CDS2: variants seen among roughly 807,000 people sequenced by gnomAD.
CDS2 encodes the protein phosphatidate cytidylyltransferase 2.
A neutral mutation model predicts 59.0 loss-of-function variants in CDS2; 47 were observed. The ratio of observed to expected loss-of-function variants is 0.80; its 90% CI spans 0.63 to 1.02. The LOEUF is 1.02. Ranked by LOEUF, CDS2 falls within the 50% of genes least tolerant of loss-of-function variation. CDS2 has a pLI of 0.00. For synonymous variants in CDS2, 207 were observed against 206.4 expected, an observed-to-expected ratio of 1.00 and a Z score of -0.02; for missense variants, 356 against 558.9, an observed-to-expected ratio of 0.64 and a Z score of 3.66.
At chr20:5,134,243 C>G (rs985798392) in intron 1 of CDS2, among the ~76,000 whole-genome samples, 2 of 152,180 alleles carry the variant, frequency 1.3e-5, no homozygotes, top group African/African-American at 4.8e-5. Context: ...GGAAGAAATG[C>G]TTTCCAGTTA....
chr20:5,157,411 A>G (rs1297988116), intron 1 of CDS2, among the ~76,000 whole-genome samples: 1 of 152,130 alleles, frequency 6.6e-6, no homozygotes, highest in East Asian at 1.9e-4. Flanking sequence ...AATCTGAGAG[A>G]AAGGATCATG....
chr20:5,182,415 C>A lies in CDS2; in HGVS notation c.558C>A (p.Val186=). ...TCTGCATGTTTGTACTGAGTCTGGTCAAGAAGCATTATCGACTGCAGTTCT... is the reference window on the plus strand; with the variant it reads ...TCTGCATGTTTGTACTGAGTCTGGTAAAGAAGCATTATCGACTGCAGTTCT... ...IGFCMFVLSL[V]KKHYRLQFYM... The change falls in exon 6 of 13, where the codon GTC becomes GTA. Residue 186 remains valine (V), a synonymous_variant. Coordinates refer to ENST00000460006, the MANE Select transcript of CDS2 (RefSeq NM_003818.4). 1 of 1,611,828 alleles carries A rather than the reference C, an allele frequency of 6.2e-7. No individual in the cohort carries two copies. The highest frequency in any genetic ancestry group is 1.1e-5 in the South Asian group (1 of 90,698).
intron 4 of CDS2, 95 bp downstream of exon 4, chr20:5,176,840 A>C: frequency 2.4e-6 from 2 of 841,932 alleles, no homozygotes; most frequent in Non-Finnish European, 4.1e-6. Context: ...ATCACTTGCT[A>C]TAGAGATAAA....
intron 1 of CDS2, among the ~76,000 whole-genome samples, chr20:5,135,887 C>G (rs557530072): frequency 2.0e-5 from 3 of 152,344 alleles, no homozygotes; most frequent in Non-Finnish European, 4.4e-5. Flanking sequence ...CACTGTGGTT[C>G]TCATGAGCAC....
chr20:5,137,274 C>T (rs1381402714), intron 1 of CDS2, among the ~76,000 whole-genome samples: 7 of 149,500 alleles, frequency 4.7e-5, no homozygotes, highest in African/African-American at 1.2e-4. Flanking sequence ...GATGGAGTCT[C>T]GCCCTGTCGC....
chr20:5,132,545 A>G (rs1018797452), intron 1 of CDS2, among the ~76,000 whole-genome samples: 9 of 152,196 alleles, frequency 5.9e-5, no homozygotes, highest in African/African-American at 1.9e-4. Flanking sequence ...GAACTACTCA[A>G]ATAAAATATT....
rs2091135181 is a variant in CDS2, at chr20:5,193,651, A to G, written c.*3417A>G. On this transcript the variant is annotated 3_prime_UTR_variant, in exon 13 of 13. Transcript: ENST00000460006. ...TGTTTGTATGGGGACCATGTTTCCC[A>G]AAGCTCAGGTTCATCTCCACTATTG... 6.6e-6 allele frequency: 1 copy of G among 152,216 alleles called. No homozygotes were observed. The highest frequency in any genetic ancestry group is 6.5e-5 in the Admixed American group (1 of 15,288). The allele number at this position is 152,216 out of a possible 1,614,324, so 9.4% of individuals were successfully genotyped here.
chr20:5,188,943 T>G (rs900150258), intron 10 of CDS2, 124 bp from the exon 11 acceptor site: 27 of 1,216,228 alleles, frequency 2.2e-5, no homozygotes, highest in Non-Finnish European at 3.1e-5. Context: ...CCCAAACACC[T>G]CCCACTAGGC....
rs145210680 is a variant in CDS2, at chr20:5,134,202, C to T, written c.57+7053C>T. 6.2e-4 allele frequency among the ~76,000 whole-genome samples: 95 copies of T among 152,318 alleles called. 1 individual carries two copies. In the East Asian group the frequency reaches 8.9e-3, roughly 14 times the overall value. On this transcript the variant is annotated intron_variant, in intron 1 of 12. Transcript: ENST00000460006. Reference sequence around the variant, plus strand: ...GGCGCAGTGCTTGAAGACCACAAGGCGCCTTACCCAGGCAGTGGGTGAGGG... The same window carrying T: ...GGCGCAGTGCTTGAAGACCACAAGGTGCCTTACCCAGGCAGTGGGTGAGGG...
intron 9 of CDS2, 121 bp downstream of exon 9, chr20:5,185,947 A>C (rs114543249): frequency 1.1e-6 from 1 of 939,598 alleles, no homozygotes; most frequent in Admixed American, 2.4e-5. Context: ...CTGAATGGCA[A>C]CCTTGCCCTG....
intron 10 of CDS2, among the ~76,000 whole-genome samples, chr20:5,188,265 A>C (rs1201181202): frequency 1.3e-5 from 2 of 152,218 alleles, no homozygotes; most frequent in Non-Finnish European, 2.9e-5. Flanking sequence ...TTAATGTAAG[A>C]GAGAACAAAG....
rs1341934424 is a variant in CDS2, at chr20:5,194,574, G to C, written c.*4340G>C. 6.6e-6 allele frequency: 1 copy of C among 152,250 alleles called. No individual in the cohort carries two copies. Among genetic ancestry groups the C allele is most frequent in the East Asian group, 1.9e-4 (1 of 5,186 alleles). The allele number at this position is 152,250 out of a possible 1,614,324, so 9.4% of individuals were successfully genotyped here. A position where few individuals can be genotyped will look rare whatever the true frequency, so the allele number is the denominator to read the frequency against. ...ATTAAGGCTGTCACCTGTTTGTATA[G>C]GGACCATGTTTCCCAACGCACTTTG... is the stretch of plus-strand genomic sequence containing the variant. On this transcript the variant is annotated 3_prime_UTR_variant, in exon 13 of 13. Transcript: ENST00000460006.
chr20:5,141,082 C>T (rs2090689624), intron 1 of CDS2, among the ~76,000 whole-genome samples: 2 of 152,220 alleles, frequency 1.3e-5, no homozygotes, highest in African/African-American at 4.8e-5. Context: ...CCTCCCCTTT[C>T]TCCTGCTCCT....
intron 5 of CDS2, among the ~76,000 whole-genome samples, chr20:5,180,153 G>C (rs147011685): frequency 6.6e-6 from 1 of 152,264 alleles, no homozygotes; most frequent in African/African-American, 2.4e-5. Context: ...ATGGATAAAG[G>C]TTCCTTTCCT....
At chr20:5,168,846 C>T (rs573532000) in intron 1 of CDS2, among the ~76,000 whole-genome samples, 1 of 152,378 alleles carries the variant, frequency 6.6e-6, no homozygotes, top group African/African-American at 2.4e-5. Flanking sequence ...CTGGCCCTCC[C>T]TCACTGCCTT....
chr20:5,176,390 T>TAAAA, intron 3 of CDS2: 2 of 335,278 alleles, frequency 6.0e-6, no homozygotes, highest in Non-Finnish European at 1.1e-5. Context: ...AACCCTGTCT[T>TAAAA]AAAAAAAAAA....
At chr20:5,160,723 CCCAG>C (rs1283959809) in intron 1 of CDS2, among the ~76,000 whole-genome samples, 3 of 152,172 alleles carry the variant, frequency 2.0e-5, no homozygotes, top group Admixed American at 6.5e-5. Flanking sequence ...CTCTCACTCC[CCCAG>C]CCCCTGACAA....
rs531777682 is a variant in CDS2, at chr20:5,159,953, A to G, written c.58-13570A>G. Among the ~76,000 whole-genome samples, 63 of 152,372 alleles carry G rather than the reference A, an allele frequency of 4.1e-4. 1 individual carries two copies. Among genetic ancestry groups the G allele is most frequent in the Non-Finnish European group, 1.2e-4 (8 of 68,036 alleles). On this transcript the variant is annotated intron_variant, in intron 1 of 12. Transcript: ENST00000460006. ...TAAAAACTCAGAATCCTTGTGATTCAGTGCCCTTATGTTTTTAAAAAAGAG... is the reference window on the plus strand; with the variant it reads ...TAAAAACTCAGAATCCTTGTGATTCGGTGCCCTTATGTTTTTAAAAAAGAG...
rs997757890 is a variant in CDS2, at chr20:5,193,164, G to A, written c.*2930G>A. The A allele has an allele frequency of 1.3e-5, 2 of 152,228 alleles. No homozygotes were observed. The highest frequency in any genetic ancestry group is 4.8e-5 in the African/African-American group (2 of 41,460). 9.4% of individuals were successfully genotyped at this position (152,228 alleles called of 1,614,324 possible). On this transcript the variant is annotated 3_prime_UTR_variant, in exon 13 of 13. Coordinates refer to ENST00000460006, the MANE Select transcript of CDS2 (RefSeq NM_003818.4). ...AGGGTACCGAGTCTTTGCCTTTTGT[G>A]TGTGCGCATGCTGCCCTCTTAACTG... is the stretch of plus-strand genomic sequence containing the variant.
Sources: gnomAD v4.1 joint callset for allele counts (sites outside exome capture counted in the v4.1 genomes callset) on GRCh38, gnomAD v4.1.1 for gene constraint, MANE v1.5 for transcripts, NCBI Gene and HGNC (gene_info 2026-07-23, HGNC 2026-07-21) for gene names.